Variants in GNAO1 observed in about 807,000 individuals in gnomAD.
GNAO1 encodes G protein subunit alpha o1.
For missense variants in GNAO1, 166 were observed against 478.7 expected, an observed-to-expected ratio of 0.35 and a Z score of 6.10; for synonymous variants, 164 against 180.7, an observed-to-expected ratio of 0.91 and a Z score of 0.74.
At chr16:56,218,515 C>A (rs1237794184) in intron 2 of GNAO1, among the ~76,000 whole-genome samples, 1 of 152,280 alleles carries the variant, frequency 6.6e-6, no homozygotes, top group South Asian at 2.1e-4. Context: ...ACTATACCAT[C>A]ACCGTGATAC....
At chr16:56,234,027 C>G (rs1385372753) in intron 2 of GNAO1, among the ~76,000 whole-genome samples, 1 of 152,248 alleles carries the variant, frequency 6.6e-6, no homozygotes, top group Non-Finnish European at 1.5e-5. Context: ...AACCTCATCT[C>G]TGCCTGAGGC....
chr16:56,309,042 T>C (rs13338516), intron 3 of GNAO1, among the ~76,000 whole-genome samples: 6,559 of 152,140 alleles, frequency 0.043, 285 homozygotes, highest in African/African-American at 0.11. Flanking sequence ...AGCCCTGGAC[T>C]TGGTTTCTAT....
intron 3 of GNAO1, among the ~76,000 whole-genome samples, chr16:56,296,786 A>G (rs192302126): frequency 1.1e-4 from 17 of 152,190 alleles, no homozygotes; most frequent in African/African-American, 3.6e-4. Context: ...AGAGCCCGTG[A>G]TGGGACCAGG....
intron 2 of GNAO1, among the ~76,000 whole-genome samples, chr16:56,204,189 C>T (rs2036305228): frequency 6.6e-6 from 1 of 152,066 alleles, no homozygotes; most frequent in African/African-American, 2.4e-5. Context: ...TTAGTTATGC[C>T]ATCAAGTTAG....
intron 2 of GNAO1, chr16:56,194,602 G>A (rs1170827806): frequency 9.8e-6 from 2 of 204,578 alleles, no homozygotes; most frequent in Non-Finnish European, 1.0e-5. Context: ...TCGGAGCCGA[G>A]TCGGTGCTCC....
At chr16:56,244,974 T>G (rs190041990) in intron 2 of GNAO1, among the ~76,000 whole-genome samples, 1 of 152,300 alleles carries the variant, frequency 6.6e-6, no homozygotes, top group African/African-American at 2.4e-5. Flanking sequence ...TGATGGCCCC[T>G]CGGGTCTATC....
At chr16:56,338,687 G>A (rs2037767873) in intron 6 of GNAO1, among the ~76,000 whole-genome samples, 1 of 152,230 alleles carries the variant, frequency 6.6e-6, no homozygotes, top group Non-Finnish European at 1.5e-5. Flanking sequence ...CAAGTCCCAG[G>A]CCCACCGGCC....
chr16:56,203,950 A>G (rs2036303230), intron 2 of GNAO1, among the ~76,000 whole-genome samples: 1 of 152,188 alleles, frequency 6.6e-6, no homozygotes, highest in Non-Finnish European at 1.5e-5. Flanking sequence ...AGGGGTATAT[A>G]GGGTGCCAAG....
At chr16:56,214,148 A>G (rs1270848308) in intron 2 of GNAO1, among the ~76,000 whole-genome samples, 2 of 152,112 alleles carry the variant, frequency 1.3e-5, no homozygotes, top group African/African-American at 4.8e-5. Context: ...TTTACAGGAG[A>G]CAAACACTGA....
intron 2 of GNAO1, among the ~76,000 whole-genome samples, chr16:56,268,588 G>C (rs1260417920): frequency 6.6e-6 from 1 of 152,116 alleles, no homozygotes; most frequent in Non-Finnish European, 1.5e-5. Context: ...CAGATAACAA[G>C]TATACATTTT....
chr16:56,218,338 A>T (rs1465880109), intron 2 of GNAO1, among the ~76,000 whole-genome samples: 1 of 152,210 alleles, frequency 6.6e-6, no homozygotes, highest in Non-Finnish European at 1.5e-5. Flanking sequence ...GTAGTTGAGG[A>T]CAGACCATCA....
At chr16:56,209,514 A>G (rs1386457172) in intron 2 of GNAO1, among the ~76,000 whole-genome samples, 4 of 152,212 alleles carry the variant, frequency 2.6e-5, no homozygotes, top group Non-Finnish European at 5.9e-5. Context: ...CTATTAGGAT[A>G]TTAGGATCTG....
chr16:56,276,133 T>G (rs2037059687), intron 3 of GNAO1, 61 bp downstream of exon 3: 1 of 1,451,918 alleles, frequency 6.9e-7, no homozygotes, highest in East Asian at 2.3e-5. Flanking sequence ...CCCCACTGCC[T>G]CCTCTTTATA....
At chr16:56,193,769 C>G (rs1425260084) in intron 2 of GNAO1, 2 of 288,502 alleles carry the variant, frequency 6.9e-6, no homozygotes, top group Non-Finnish European at 1.4e-5. Flanking sequence ...CCCTCCGGGC[C>G]TCCTGTTTCG....
At chr16:56,346,373 G>A in intron 6 of GNAO1, 4 of 985,430 alleles carry the variant, frequency 4.1e-6, no homozygotes, top group Non-Finnish European at 4.8e-6. Context: ...AGGGGCCATG[G>A]TAACCTCTCC....
chr16:56,286,871 A>C (rs2037177152), intron 3 of GNAO1, among the ~76,000 whole-genome samples: 1 of 152,184 alleles, frequency 6.6e-6, no homozygotes, highest in African/African-American at 2.4e-5. Flanking sequence ...TGAAAAAGGA[A>C]ATAGAATAGG....
intron 4 of GNAO1, 23 bp from the exon 5 acceptor site, chr16:56,334,706 C>T: frequency 3.7e-6 from 6 of 1,613,340 alleles, no homozygotes; most frequent in South Asian, 1.1e-5. Flanking sequence ...GGTCCATAGT[C>T]CCCTGTTTGT....
chr16:56,336,651 C>T, intron 5 of GNAO1, 80 bp from the exon 6 acceptor site: 3 of 1,353,966 alleles, frequency 2.2e-6, no homozygotes, highest in Non-Finnish European at 2.0e-6. Context: ...TCCTCTGCCT[C>T]TCAGCGTGCT....
intron 2 of GNAO1, among the ~76,000 whole-genome samples, chr16:56,224,673 G>A (rs1050254321): frequency 1.6e-4 from 25 of 152,146 alleles, no homozygotes; most frequent in African/African-American, 3.9e-4. Context: ...TAGAGATGGG[G>A]TTTCACCATG....
Sources: allele counts gnomAD v4.1 joint callset (sites outside exome capture counted in the v4.1 genomes callset), GRCh38; gene constraint gnomAD v4.1.1; transcripts MANE v1.5; gene names NCBI Gene and HGNC (gene_info 2026-07-23, HGNC 2026-07-21).